The following PGBD5 variants were observed in gnomAD, a reference collection of about 807,000 sequenced individuals.
PGBD5 encodes the protein piggyBac transposable element-derived protein 5.
A neutral mutation model predicts 47.9 loss-of-function variants in PGBD5; 14 were observed. That is an observed-to-expected ratio of 0.29 (90% CI 0.19 to 0.46). The LOEUF (loss-of-function observed/expected upper bound fraction) is 0.46. PGBD5 is among the 20% of genes least tolerant of loss of function. The pLI is 1.00. For synonymous variants in PGBD5, 316 were observed against 306.3 expected, an observed-to-expected ratio of 1.03 and a Z score of -0.33; for missense variants, 635 against 716.0, an observed-to-expected ratio of 0.89 and a Z score of 1.29.
Position 230,426,084 on chromosome 1 carries a change from C to A in PGBD5, c.-156G>T. ...CCGGCCGGCCCGCCGTCTTGGCCGCCTCGGGCCCAGCGCCCGGGGAAGCGC... is the reference window on the plus strand; with the variant it reads ...CCGGCCGGCCCGCCGTCTTGGCCGCATCGGGCCCAGCGCCCGGGGAAGCGC... On this transcript the variant is annotated 5_prime_UTR_variant, in exon 1 of 7. In the 5' UTR this introduces an upstream ATG that the reference lacks. Transcript: ENST00000391860. 1 of 228,366 alleles carries A rather than the reference C, an allele frequency of 4.4e-6. No individual in the cohort carries two copies. The highest frequency in any genetic ancestry group is 1.4e-4 in the South Asian group (1 of 6,960). 14.1% of individuals were successfully genotyped at this position (228,366 alleles called of 1,614,324 possible). A position where few individuals can be genotyped will look rare whatever the true frequency, so the allele number is the denominator to read the frequency against.
At chr1:230,337,325 G>C (rs1667341860) in intron 3 of PGBD5, 37 bp from the exon 4 acceptor site, 5 of 1,544,152 alleles carry the variant, frequency 3.2e-6, no homozygotes, top group Non-Finnish European at 4.4e-6. Context: ...CGTGCTCACA[G>C]CAGTGTCAGG....
chr1:230,323,974 T>C lies in PGBD5; in HGVS notation c.1380-354A>G, dbSNP rs1667076936. Among the ~76,000 whole-genome samples the C allele has an allele frequency of 6.6e-6, 1 of 152,232 alleles. No individual in the cohort carries two copies. The highest frequency in any genetic ancestry group is 6.5e-5 in the Admixed American group (1 of 15,292). ...CTGAATGCTCCTTGCAAAGCTGTGC[T>C]CTGTACGTGCTGTGCAGCTGACACT... On this transcript the variant is annotated intron_variant, in intron 6 of 6. Coordinates refer to ENST00000391860, the MANE Select transcript of PGBD5 (RefSeq NM_001258311.2). This position sits in a 1 kb window ranked among gnomAD's most constrained non-coding sequence, Gnocchi z 4.1.
intron 1 of PGBD5, among the ~76,000 whole-genome samples, chr1:230,418,048 A>G (rs1657556603): frequency 6.6e-6 from 1 of 152,200 alleles, no homozygotes; most frequent in Non-Finnish European, 1.5e-5. Flanking sequence ...TTCAGTGGGT[A>G]GAGGCCTGGG....
intron 2 of PGBD5, among the ~76,000 whole-genome samples, chr1:230,353,036 A>G (rs188738500): frequency 5.3e-5 from 8 of 152,350 alleles, no homozygotes; most frequent in Admixed American, 4.6e-4. Flanking sequence ...TGCCTTATCA[A>G]AGCAAAAGGG....
chr1:230,420,269 A>G (rs1440999590), intron 1 of PGBD5, among the ~76,000 whole-genome samples: 1 of 152,228 alleles, frequency 6.6e-6, no homozygotes, highest in East Asian at 1.9e-4. Context: ...ATTCAGTGAA[A>G]ACATCTTTTT....
chr1:230,404,465 T>G (rs1242678794), intron 1 of PGBD5, among the ~76,000 whole-genome samples: 1 of 151,402 alleles, frequency 6.6e-6, no homozygotes, highest in Admixed American at 6.6e-5. Context: ...ATTAGCCAAG[T>G]GTGGTGGCGC....
chr1:230,393,294 A>G (rs1368598881), intron 1 of PGBD5, among the ~76,000 whole-genome samples: 2 of 135,204 alleles, frequency 1.5e-5, no homozygotes, highest in Non-Finnish European at 3.1e-5. Context: ...AGCGAAGAGA[A>G]GAGAAAGGGG....
chr1:230,381,039 G>C (rs775843412), intron 1 of PGBD5, among the ~76,000 whole-genome samples: 6 of 152,230 alleles, frequency 3.9e-5, no homozygotes, highest in Non-Finnish European at 8.8e-5. Context: ...CACCATCCAC[G>C]TGCACAGTGC....
rs1174376415 is a variant in PGBD5 at position 230,318,027 on chromosome 1, CAA to C, written c.*5396_*5397del. The C allele has an allele frequency of 6.6e-6, 1 of 152,530 alleles. No homozygotes were observed. Among genetic ancestry groups the C allele is most frequent in the African/African-American group, 2.4e-5 (1 of 41,458 alleles). The allele number at this position is 152,530 out of a possible 1,614,324, so 9.4% of individuals were successfully genotyped here. A position where few individuals can be genotyped will look rare whatever the true frequency, so the allele number is the denominator to read the frequency against. On this transcript the variant is annotated 3_prime_UTR_variant, in exon 7 of 7. Coordinates refer to ENST00000391860, the MANE Select transcript of PGBD5 (RefSeq NM_001258311.2). ...AGCGCCAGCACCACCGCCCTACACT[CAA>C]GAGAGGCTGCCCGGCCCCCACCAGA...
chr1:230,321,988 A>T lies in PGBD5; in HGVS notation c.*1437T>A, dbSNP rs1350869929. ...CGGACAGCAACACTCGCAATAACTG[A>T]GTGAGGACGAGGCCCATAGCCTGAG... On this transcript the variant is annotated 3_prime_UTR_variant, in exon 7 of 7. Transcript: ENST00000391860. The T allele has an allele frequency of 2.6e-5, 4 of 152,398 alleles. No individual in the cohort carries two copies. The highest frequency in any genetic ancestry group is 5.9e-5 in the Non-Finnish European group (4 of 68,054). The allele number at this position is 152,398 out of a possible 1,614,324, so 9.4% of individuals were successfully genotyped here. A position where few individuals can be genotyped will look rare whatever the true frequency, so the allele number is the denominator to read the frequency against.
intron 1 of PGBD5, among the ~76,000 whole-genome samples, chr1:230,389,064 G>A (rs375350074): frequency 6.6e-6 from 1 of 152,220 alleles, no homozygotes. Context: ...AAGGAGACAA[G>A]GTATGTGGGC....
chr1:230,422,959 C>T (rs546564825), intron 1 of PGBD5, among the ~76,000 whole-genome samples: 3 of 151,888 alleles, frequency 2.0e-5, no homozygotes, highest in African/African-American at 7.2e-5. Flanking sequence ...TCCCCAGTGT[C>T]TACCTCCCTC....
Position 230,357,329 on chromosome 1 carries a change from C to G in PGBD5, c.332-8G>C, listed in dbSNP as rs1667667082. 6 of 1,611,510 alleles carry G rather than the reference C, an allele frequency of 3.7e-6. No homozygotes were observed. Among genetic ancestry groups the G allele is most frequent in the East Asian group, 4.5e-5 (2 of 44,844 alleles). Reference sequence around the variant, plus strand: ...GCATCTTTCGGGTGGGACCTGAAACCCAAAGACAGGTGGAGTGTTCCTTAG... The same window carrying G: ...GCATCTTTCGGGTGGGACCTGAAACGCAAAGACAGGTGGAGTGTTCCTTAG... On this transcript the variant is annotated splice_region_variant and splice_polypyrimidine_tract_variant and intron_variant, in intron 1 of 6. Coordinates refer to ENST00000391860, the MANE Select transcript of PGBD5 (RefSeq NM_001258311.2). This position sits in a 1 kb window ranked among gnomAD's most constrained non-coding sequence, Gnocchi z 5.7.
chr1:230,393,669 CA>C (rs1216624323), intron 1 of PGBD5, among the ~76,000 whole-genome samples: 1 of 151,898 alleles, frequency 6.6e-6, no homozygotes, highest in African/African-American at 2.4e-5. Flanking sequence ...ACTAAAAATA[CA>C]AAAAATTAGC....
At chr1:230,397,580 T>C (rs1353123507) in intron 1 of PGBD5, among the ~76,000 whole-genome samples, 1 of 152,220 alleles carries the variant, frequency 6.6e-6, no homozygotes, top group Non-Finnish European at 1.5e-5. Context: ...AACAATGATA[T>C]AAAAGTAATT....
rs1667051730 is a variant in PGBD5, at chr1:230,322,601, G to A, written c.*824C>T. 1 of 152,948 alleles carries A rather than the reference G, an allele frequency of 6.5e-6. No homozygotes were observed. The highest frequency in any genetic ancestry group is 1.5e-5 in the Non-Finnish European group (1 of 68,078). 9.5% of individuals were successfully genotyped at this position (152,948 alleles called of 1,614,324 possible). A position where few individuals can be genotyped will look rare whatever the true frequency, so the allele number is the denominator to read the frequency against. The stretch of plus-strand genomic sequence containing the variant: ...AGCGGCCCTTCCCGGCCCTGCCACA[G>A]GCCAGAACACAGAACTGTGATCATG... On this transcript the variant is annotated 3_prime_UTR_variant, in exon 7 of 7. Coordinates refer to ENST00000391860, the MANE Select transcript of PGBD5 (RefSeq NM_001258311.2). The surrounding 1 kb of genome is among the most constrained non-coding windows in gnomAD (Gnocchi z 5.9).
At chr1:230,407,663 T>C (rs554891417) in intron 1 of PGBD5, among the ~76,000 whole-genome samples, 7 of 152,174 alleles carry the variant, frequency 4.6e-5, no homozygotes, top group Non-Finnish European at 8.8e-5. Context: ...AGGGAAGACA[T>C]CAAAACTAAT....
Position 230,321,102 on chromosome 1 carries a change from G to A in PGBD5, c.*2323C>T, listed in dbSNP as rs562154739. 11 of 152,360 alleles carry A rather than the reference G, an allele frequency of 7.2e-5. No individual in the cohort carries two copies. The highest frequency in any genetic ancestry group is 2.6e-4 in the African/African-American group (11 of 41,582). 9.4% of individuals were successfully genotyped at this position (152,360 alleles called of 1,614,324 possible). On this transcript the variant is annotated 3_prime_UTR_variant, in exon 7 of 7. Transcript: ENST00000391860. ...ACACGACACAAACTAGAAGAAAAGAGGGAAAACCACCAGGCCGGAAGGCAG... is the reference window on the plus strand; with the variant it reads ...ACACGACACAAACTAGAAGAAAAGAAGGAAAACCACCAGGCCGGAAGGCAG...
intron 1 of PGBD5, among the ~76,000 whole-genome samples, chr1:230,379,190 C>T (rs1475863500): frequency 6.6e-6 from 1 of 152,190 alleles, no homozygotes; most frequent in Non-Finnish European, 1.5e-5. Flanking sequence ...ACCTCACCCA[C>T]CTGCTGCCTG....
Sources: gnomAD v4.1 joint callset for allele counts (sites outside exome capture counted in the v4.1 genomes callset) on GRCh38, gnomAD v4.1.1 for gene constraint, Gnocchi (gnomAD v3.1) non-coding constraint, MANE v1.5 for transcripts, NCBI Gene and HGNC (gene_info 2026-07-23, HGNC 2026-07-21) for gene names.